The following AVEN variants were observed in gnomAD, a reference collection of about 807,000 sequenced individuals.
The protein encoded by AVEN is apoptosis and caspase activation inhibitor.
AVEN carries 41 observed loss-of-function variants against 38.1 expected under a neutral mutation model. That is an observed-to-expected ratio of 1.08 (90% CI 0.84 to 1.40). AVEN has a LOEUF of 1.40. Ranked by LOEUF, AVEN falls within the 40% of genes most tolerant of loss-of-function variation. The pLI, the probability that AVEN is intolerant of heterozygous loss-of-function variation, is 0.00. For synonymous variants in AVEN, 206 were observed against 171.8 expected (o/e 1.20, Z -1.56); for missense variants, 605 against 438.8 (o/e 1.38, Z -3.38).
Position 34,039,097 on chromosome 15 carries a change from A to T in AVEN, c.-51T>A. On this transcript the variant is annotated 5_prime_UTR_variant, in exon 1 of 6. Transcript: ENST00000306730. ...GCGCGGGAGCCGAGCTGCGGCGGAG[A>T]CGCCCTGGCCCCACCGGAAGCGGGC... is the stretch of plus-strand genomic sequence containing the variant. 9.4e-7 allele frequency: 1 copy of T among 1,067,588 alleles called. No individual in the cohort carries two copies. Among genetic ancestry groups the T allele is most frequent in the Non-Finnish European group, 1.1e-6 (1 of 883,734 alleles). 66.1% of individuals were successfully genotyped at this position (1,067,588 alleles called of 1,614,324 possible). A position where few individuals can be genotyped will look rare whatever the true frequency, so the allele number is the denominator to read the frequency against.
chr15:34,062,204 A>C (rs907186395), intron 5 of AVEN, among the ~76,000 whole-genome samples: 3 of 152,252 alleles, frequency 2.0e-5, no homozygotes, highest in Non-Finnish European at 4.4e-5. Context: ...CAAACTTTAG[A>C]GATTTCAGCA....
At chr15:33,961,687 C>T (rs573410735) in intron 2 of AVEN, among the ~76,000 whole-genome samples, 1 of 151,468 alleles carries the variant, frequency 6.6e-6, no homozygotes, top group East Asian at 1.9e-4. Flanking sequence ...GTGGCGGGCA[C>T]CTGTAGTCCC....
At chr15:33,938,095 G>C (rs1284200650) in intron 2 of AVEN, among the ~76,000 whole-genome samples, 1 of 152,038 alleles carries the variant, frequency 6.6e-6, no homozygotes, top group Non-Finnish European at 1.5e-5. Context: ...TAGGGGGAAA[G>C]AAAGATTTCT....
rs1341437238 is a variant in AVEN at position 33,867,517 on chromosome 15, C to A, written c.951G>T (p.Gly317=). ...TSQDLKSKED[G]EVVQEEEVCA... is the part of the protein sequence containing the mutation. ...TACCTTCTTCCTCTTGGACCACCTCCCCATCTTCCTTGGATTTCAGGTCCT... is the reference window on the plus strand; with the variant it reads ...TACCTTCTTCCTCTTGGACCACCTCACCATCTTCCTTGGATTTCAGGTCCT... Residue 317 remains glycine (G), a synonymous_variant, in exon 5 of 6, where the codon GGG becomes GGT. Coordinates refer to ENST00000306730, the MANE Select transcript of AVEN (RefSeq NM_020371.3). 5.0e-6 allele frequency: 8 copies of A among 1,589,330 alleles called. No homozygotes were observed. The Admixed American group carries it at 1.4e-4, about 29-fold the overall frequency.
intron 2 of AVEN, among the ~76,000 whole-genome samples, chr15:33,948,289 G>A (rs1463100569): frequency 6.6e-6 from 1 of 151,466 alleles, no homozygotes; most frequent in Non-Finnish European, 1.5e-5. Context: ...TAGAGACGGG[G>A]TTTCACTATC....
At chr15:34,007,800 CT>C (rs1446431920) in intron 1 of AVEN, among the ~76,000 whole-genome samples, 3 of 152,174 alleles carry the variant, frequency 2.0e-5, no homozygotes, top group Admixed American at 6.5e-5. Context: ...AGGGTTGGCT[CT>C]TTCTGGAAGT....
At chr15:33,894,108 C>A (rs1217363147) in intron 2 of AVEN, among the ~76,000 whole-genome samples, 2 of 151,944 alleles carry the variant, frequency 1.3e-5, no homozygotes, top group South Asian at 4.2e-4. Context: ...CACAACCACA[C>A]CCGGCTAATT....
At position 34,062,554 on chromosome 15, in the gene AVEN, CAAAAAAA is replaced by C. The variant is rs10632153; in HGVS notation, n.1637+361_1637+367del. On this transcript the variant is annotated intron_variant and non_coding_transcript_variant, in intron 5 of 11. Transcript: ENST00000675287. ...TGGGTGACAAAGCGAGATTCTGTCTCAAAAAAAAAAAAAAAAAAAACTATAAACAATG... is the reference window on the plus strand; with the variant it reads ...TGGGTGACAAAGCGAGATTCTGTCTCAAAAAAAAAAAAACTATAAACAATG... 5 of 411,378 alleles carry C rather than the reference CAAAAAAA, an allele frequency of 1.2e-5. No homozygotes were observed. The Admixed American group carries it at 2.7e-4, about 22-fold the overall frequency. The allele number at this position is 411,378 out of a possible 1,614,324, so 25.5% of individuals were successfully genotyped here.
At position 34,028,594 on chromosome 15, in the gene AVEN, A is replaced by G. The variant is rs188108447; in HGVS notation, c.267+10186T>C. Among the ~76,000 whole-genome samples the G allele has an allele frequency of 6.4e-4, 97 of 152,298 alleles. 1 individual carries two copies. Among genetic ancestry groups the G allele is most frequent in the Non-Finnish European group, 1.0e-3 (68 of 68,010 alleles). ...ACAAACAACAACAACAACAAAAAAG[A>G]AGACCCTGAATGAGAGAGGACAGCA... On this transcript the variant is annotated intron_variant, in intron 1 of 5. Coordinates refer to ENST00000306730, the MANE Select transcript of AVEN (RefSeq NM_020371.3).
At chr15:33,891,061 A>G (rs1891930536) in intron 2 of AVEN, among the ~76,000 whole-genome samples, 2 of 151,540 alleles carry the variant, frequency 1.3e-5, no homozygotes, top group Admixed American at 6.6e-5. Flanking sequence ...GTGAGCCGAG[A>G]TCACACCACT....
At chr15:34,073,980 C>T (rs5014911) in intron 1 of AVEN, among the ~76,000 whole-genome samples, 112,884 of 124,982 alleles carry the variant, frequency 0.9, 51,268 homozygotes, top group Middle Eastern at 0.96. Flanking sequence ...TTTCTTTTTT[C>T]TTCTTCTTCT....
rs921482529 is a variant in AVEN, at chr15:33,996,862, G to A, written c.445+6170C>T. On this transcript the variant is annotated intron_variant, in intron 2 of 5. Transcript: ENST00000306730. ...AAGCTGGATGGAGAATGACTTTGAT[G>A]AGCTGACAGAAGTAGGCTTCGGAAG... Among the ~76,000 whole-genome samples, 5 of 152,340 alleles carry A rather than the reference G, an allele frequency of 3.3e-5. No homozygotes were observed. In the South Asian group the frequency reaches 8.3e-4, roughly 25 times the overall value.
At chr15:33,863,748 TTTCAA>T (rs560305246), downstream of AVEN, among the ~76,000 whole-genome samples, 43 of 152,356 alleles carry the variant, frequency 2.8e-4, no homozygotes, top group African/African-American at 9.6e-4. Context: ...ACATAATTAA[TTTCAA>T]TTCAATTCTA....
chr15:34,017,484 G>GTTTTTTT (rs60119659), intron 1 of AVEN, among the ~76,000 whole-genome samples: 4 of 107,366 alleles, frequency 3.7e-5, no homozygotes, highest in African/African-American at 6.3e-5. Context: ...TTTTTTTTTT[G>GTTTTTTT]TTTTTTTTTT....
chr15:33,867,736 C>G lies in AVEN; in HGVS notation c.732G>C (p.Leu244=). The G allele has an allele frequency of 6.2e-7, 1 of 1,614,184 alleles. No individual in the cohort carries two copies. The highest frequency in any genetic ancestry group is 8.5e-7 in the Non-Finnish European group (1 of 1,180,022). ...GPGGRGPIFE[L]KSVAAGCPVL... ...CAGGGCAGCCAGCAGCCACAGATTT[C>G]AGCTCAAAGATGGGCCCCCTTCCTC... Residue 244 remains leucine (L), a synonymous_variant, in exon 5 of 6, where the codon CTG becomes CTC. Transcript: ENST00000306730.
chr15:34,062,747 C>A (rs762744237), intron 5 of AVEN: 5 of 1,612,810 alleles, frequency 3.1e-6, no homozygotes, highest in African/African-American at 2.7e-5. Context: ...ACAATGCAAC[C>A]ACCGTCAATG....
chr15:33,987,486 A>C (rs1896528054), intron 2 of AVEN, among the ~76,000 whole-genome samples: 1 of 152,176 alleles, frequency 6.6e-6, no homozygotes, highest in South Asian at 2.1e-4. Flanking sequence ...TCCCTACTCC[A>C]GCCTCAGATT....
chr15:33,937,481 C>T (rs1339859731), intron 2 of AVEN, among the ~76,000 whole-genome samples: 2 of 151,430 alleles, frequency 1.3e-5, no homozygotes, highest in Non-Finnish European at 2.9e-5. Context: ...TGCAGTGAGC[C>T]GAGATCACGC....
At chr15:33,999,052 T>A (rs1455082972) in intron 2 of AVEN, among the ~76,000 whole-genome samples, 1 of 152,242 alleles carries the variant, frequency 6.6e-6, no homozygotes, top group African/African-American at 2.4e-5. Context: ...CATGTGCCAA[T>A]GCAGATTTAT....
Sources: allele counts gnomAD v4.1 joint callset (sites outside exome capture counted in the v4.1 genomes callset), GRCh38; gene constraint gnomAD v4.1.1; transcripts MANE v1.5; gene names NCBI Gene and HGNC (gene_info 2026-07-23, HGNC 2026-07-21).